The following SOS1 variants were observed in gnomAD, a reference collection of about 807,000 sequenced individuals.
SOS1 encodes SOS Ras/Rac guanine nucleotide exchange factor 1.
A neutral mutation model predicts 157.6 loss-of-function variants in SOS1; 25 were observed. The ratio of observed to expected loss-of-function variants is 0.16; its 90% CI spans 0.12 to 0.22. The LOEUF (loss-of-function observed/expected upper bound fraction) is 0.22. SOS1 is among the 10% of genes least tolerant of loss of function. SOS1 has a pLI of 1.00. For missense variants in SOS1, 1,237 were observed against 1,599.1 expected, an observed-to-expected ratio of 0.77 and a Z score of 3.86; for synonymous variants, 528 against 534.0, an observed-to-expected ratio of 0.99 and a Z score of 0.16.
intron 19 of SOS1, 87 bp from the exon 20 acceptor site, chr2:38,995,474 A>G: frequency 6.1e-6 from 6 of 983,048 alleles, no homozygotes; most frequent in Non-Finnish European, 9.7e-6. Context: ...AAATTCAGCT[A>G]ATATACAGGA....
chr2:39,116,239 C>A (rs1673645857), intron 1 of SOS1, among the ~76,000 whole-genome samples: 1 of 152,172 alleles, frequency 6.6e-6, no homozygotes, highest in Non-Finnish European at 1.5e-5. Context: ...CTCCTCTCTC[C>A]ATCCTAAGAG....
At chr2:39,052,449 T>TC (rs1301835038) in intron 5 of SOS1, among the ~76,000 whole-genome samples, 1 of 152,150 alleles carries the variant, frequency 6.6e-6, no homozygotes, top group East Asian at 1.9e-4. Context: ...AGTTTCTTTG[T>TC]CCCCCATTTC....
chr2:39,105,185 G>C (rs900706850), intron 1 of SOS1, among the ~76,000 whole-genome samples: 1 of 151,568 alleles, frequency 6.6e-6, no homozygotes, highest in African/African-American at 2.4e-5. Context: ...CATTAAAAAA[G>C]AACAACTGAA....
At chr2:39,077,623 G>T (rs297134) in intron 1 of SOS1, among the ~76,000 whole-genome samples, 1 of 152,042 alleles carries the variant, frequency 6.6e-6, no homozygotes. Context: ...AAGATACTAA[G>T]ATATTAGTGC....
At chr2:39,096,682 G>A (rs1672775980) in intron 1 of SOS1, among the ~76,000 whole-genome samples, 2 of 152,066 alleles carry the variant, frequency 1.3e-5, no homozygotes, top group Non-Finnish European at 1.5e-5. Context: ...TCAGGAGATC[G>A]AGACCATCTT....
In SOS1 at chr2:38,985,934, T is replaced by G. The variant is rs139676674; in HGVS notation, c.3892A>C (p.Thr1298Pro). 6.2e-7 allele frequency: 1 copy of G among 1,613,778 alleles called. No homozygotes were observed. Residue 1298 changes from threonine to proline, a missense_variant, in exon 23 of 23, where the codon ACT (threonine) becomes CCT (proline). By Grantham distance (38) the Thr-to-Pro change is conservative. Around this residue, in one of 15 missense-constraint regions of SOS1, gnomAD observed 306 missense variants for 322.6 expected, o/e 0.95. Transcript: ENST00000402219. ...GGGAGTTTAGGGATATGTTGAGAAGTGCTTTGTCGTGGAGGAACAGGCGGC... is the reference window on the plus strand; with the variant it reads ...GGGAGTTTAGGGATATGTTGAGAAGGGCTTTGTCGTGGAGGAACAGGCGGC... ...AGPPVPPRQS[T>P]SQHIPKLPPK...
chr2:39,034,862 C>T (rs756599061), intron 8 of SOS1: 27 of 462,114 alleles, frequency 5.8e-5, no homozygotes, highest in Non-Finnish European at 1.1e-4. Context: ...ATGGAAACTG[C>T]GATGCATAAA....
intron 1 of SOS1, among the ~76,000 whole-genome samples, chr2:39,100,403 A>G (rs754634305): frequency 3.9e-5 from 6 of 152,214 alleles, no homozygotes; most frequent in African/African-American, 4.8e-5. Flanking sequence ...TATGGAAACA[A>G]TGTGTCAACT....
chr2:39,031,692 C>T (rs1044343931), intron 8 of SOS1, among the ~76,000 whole-genome samples: 1 of 151,958 alleles, frequency 6.6e-6, no homozygotes, highest in Non-Finnish European at 1.5e-5. Flanking sequence ...CCACTGCACT[C>T]AAGCCTGGGC....
chr2:39,008,004 T>G (rs1669335396), intron 15 of SOS1, among the ~76,000 whole-genome samples: 1 of 152,076 alleles, frequency 6.6e-6, no homozygotes, highest in African/African-American at 2.4e-5. Flanking sequence ...TCAGTGAGGG[T>G]GAACTGAGCA....
At position 39,120,498 on chromosome 2, in the gene SOS1, G is replaced by C; in HGVS notation, c.-76C>G. ...CAGGGAGCCGCGAGAGGGCGAGCTC[G>C]CAGCGCGGAACAGGGCCGCGGCCCC... On this transcript the variant is annotated 5_prime_UTR_variant, in exon 1 of 23. Transcript: ENST00000402219. 1 of 1,372,224 alleles carries C rather than the reference G, an allele frequency of 7.3e-7. No individual in the cohort carries two copies. Among genetic ancestry groups the C allele is most frequent in the Non-Finnish European group, 9.4e-7 (1 of 1,059,388 alleles). The allele number at this position is 1,372,224 out of a possible 1,614,324, so 85.0% of individuals were successfully genotyped here.
chr2:39,115,312 T>G (rs6544200), intron 1 of SOS1, among the ~76,000 whole-genome samples: 12,155 of 151,954 alleles, frequency 0.08, 1,748 homozygotes, highest in African/African-American at 0.28. Context: ...TAGACTCATA[T>G]AGTATATACT....
intron 17 of SOS1, among the ~76,000 whole-genome samples, chr2:39,000,777 A>G (rs924196543): frequency 1.3e-5 from 2 of 152,222 alleles, no homozygotes; most frequent in African/African-American, 4.8e-5. Flanking sequence ...TATTCTTAGC[A>G]TGTAGCCCTG....
At chr2:38,993,425 T>C (rs1449319354) in intron 20 of SOS1, 1 of 152,228 alleles carries the variant, frequency 6.6e-6, no homozygotes, top group East Asian at 1.9e-4. Context: ...CCTTCCAAAG[T>C]GTTGAAATTA....
At chr2:38,997,664 ATTTTTTAT>A (rs1189161294) in intron 17 of SOS1, among the ~76,000 whole-genome samples, 2 of 148,210 alleles carry the variant, frequency 1.3e-5, no homozygotes, top group East Asian at 2.0e-4. Context: ...TGGGATACAT[ATTTTTTAT>A]TTTTTTATTT....
At chr2:39,090,537 A>T (rs1009575180) in intron 1 of SOS1, among the ~76,000 whole-genome samples, 1 of 151,938 alleles carries the variant, frequency 6.6e-6, no homozygotes, top group African/African-American at 2.4e-5. Context: ...CTCTATTAAA[A>T]ATACAAAAAT....
chr2:39,009,686 T>C (rs559172707), intron 15 of SOS1, among the ~76,000 whole-genome samples: 1 of 152,270 alleles, frequency 6.6e-6, no homozygotes, highest in Admixed American at 6.5e-5. Context: ...CTGTTAACAA[T>C]GTATTGTTTG....
chr2:39,017,137 A>G (rs1339857014), intron 10 of SOS1, among the ~76,000 whole-genome samples: 1 of 152,010 alleles, frequency 6.6e-6, no homozygotes, highest in Non-Finnish European at 1.5e-5. Context: ...ATGTAACTAG[A>G]CTTATCTAAG....
At chr2:39,037,500 T>A (rs949787260) in intron 6 of SOS1, among the ~76,000 whole-genome samples, 1 of 152,348 alleles carries the variant, frequency 6.6e-6, no homozygotes, top group Non-Finnish European at 1.5e-5. Context: ...TCTCCACTGA[T>A]AGATAACTGT....
Sources: gnomAD v4.1 joint callset for allele counts (sites outside exome capture counted in the v4.1 genomes callset) on GRCh38, gnomAD v4.1.1 for gene constraint, gnomAD v4.1.1 regional missense constraint, MANE v1.5 for transcripts, NCBI Gene and HGNC (gene_info 2026-07-23, HGNC 2026-07-21) for gene names.